Variants in ZNF134 observed in about 807,000 individuals in gnomAD.
The protein encoded by ZNF134 is zinc finger protein 134.
In ZNF134, 5 loss-of-function variants were observed where a neutral mutation model predicts 2.5. That is an observed-to-expected ratio of 2.03 (90% confidence interval 1.06 to 4.27). The LOEUF (loss-of-function observed/expected upper bound fraction) is 4.27. Ranked by LOEUF, ZNF134 falls within the 30% of genes most tolerant of loss-of-function variation. The probability of loss-of-function intolerance (pLI) is 0.00; values close to 1 mark genes in which losing one functional copy is unlikely to be tolerated. For synonymous variants in ZNF134, 176 were observed against 176.2 expected (o/e 1.00, Z 0.01); for missense variants, 540 against 517.5 (o/e 1.04, Z -0.42).
intron 1 of ZNF134, among the ~76,000 whole-genome samples, chr19:57,615,483 A>G (rs150272682): frequency 1.4e-3 from 216 of 152,078 alleles, no homozygotes; most frequent in Middle Eastern, 3.4e-3. Context: ...GTTGGAAGTC[A>G]ATGCTTGGTG....
Position 57,619,389 on chromosome 19 carries a change from C to T in ZNF134, c.-57-23C>T, listed in dbSNP as rs937048784. ...AGTGCTCTCAGCCTGTTTCACCTTT[C>T]CCCTATGCTTTGTATCTTCCAGATC... On this transcript the variant is annotated intron_variant, in intron 1 of 2. Transcript: ENST00000396161. 5.2e-6 allele frequency: 8 copies of T among 1,538,288 alleles called. No homozygotes were observed. The East Asian group carries it at 1.7e-4, about 32-fold the overall frequency.
intron 1 of ZNF134, among the ~76,000 whole-genome samples, chr19:57,616,851 A>C (rs888994785): frequency 3.3e-5 from 5 of 151,938 alleles, no homozygotes; most frequent in African/African-American, 1.2e-4. Flanking sequence ...TATCTCAGCA[A>C]CTCAGTGTGG....
At chr19:57,619,631 C>A in intron 2 of ZNF134, 123 bp downstream of exon 2, 1 of 1,066,688 alleles carries the variant, frequency 9.4e-7, no homozygotes, top group Non-Finnish European at 1.3e-6. Context: ...CTTTTTATCC[C>A]CATTCTGTAC....
chr19:57,621,651 C>A lies in ZNF134; in HGVS notation c.*248C>A. On this transcript the variant is annotated 3_prime_UTR_variant, in exon 3 of 3. Transcript: ENST00000396161. ...AAGGCAGGGTTTTGTATTGTCCAGT[C>A]CCTGGAGAAAATCATGAAATGCCTG... 1.5e-6 allele frequency: 1 copy of A among 669,548 alleles called. No homozygotes were observed. The highest frequency in any genetic ancestry group is 2.1e-5 in the Admixed American group (1 of 47,322). 41.5% of individuals were successfully genotyped at this position (669,548 alleles called of 1,614,324 possible).
At chr19:57,615,298 G>A (rs767401370) in intron 1 of ZNF134, among the ~76,000 whole-genome samples, 26 of 152,000 alleles carry the variant, frequency 1.7e-4, no homozygotes, top group Admixed American at 7.2e-4. Context: ...GAGGCATAAG[G>A]TCAAAGCCTG....
rs1158990980 is a variant in ZNF134 at position 57,621,544 on chromosome 19, T to G, written c.*141T>G. 2 of 1,352,030 alleles carry G rather than the reference T, an allele frequency of 1.5e-6. No individual in the cohort carries two copies. Among genetic ancestry groups the G allele is most frequent in the Non-Finnish European group, 2.1e-6 (2 of 955,550 alleles). The allele number at this position is 1,352,030 out of a possible 1,614,324, so 83.8% of individuals were successfully genotyped here. ...GTTGCACTTTCTGACTTGCTCAGGTTTTTTGCCAGAGTTATGTCACTGTCA... is the reference window on the plus strand; with the variant it reads ...GTTGCACTTTCTGACTTGCTCAGGTGTTTTGCCAGAGTTATGTCACTGTCA... On this transcript the variant is annotated 3_prime_UTR_variant, in exon 3 of 3. Coordinates refer to ENST00000396161, the MANE Select transcript of ZNF134 (RefSeq NM_003435.5).
rs191942066 is a variant in ZNF134 at position 57,622,815 on chromosome 19, C to T, written c.*1412C>T. 3 of 152,234 alleles carry T rather than the reference C, an allele frequency of 2.0e-5. No individual in the cohort carries two copies. In the East Asian group the frequency reaches 5.8e-4, roughly 29 times the overall value. The allele number at this position is 152,234 out of a possible 1,614,324, so 9.4% of individuals were successfully genotyped here. ...GAGTCACCATAGTGAGGTAGAGTCA[C>T]TCTTAGTGATGTCCAGTTGTCCAGT... On this transcript the variant is annotated 3_prime_UTR_variant, in exon 3 of 3. Transcript: ENST00000396161.
chr19:57,614,512 T>G lies in ZNF134; in HGVS notation c.-58+9T>G. The stretch of plus-strand genomic sequence containing the variant: ...TGATGGGCCCGGCGCAGGTGGGTGC[T>G]GCCTTTCCCAGACTTTCGCCCGCCC... On this transcript the variant is annotated intron_variant, in intron 1 of 2. Transcript: ENST00000396161. 2.8e-6 allele frequency: 1 copy of G among 357,014 alleles called. No individual in the cohort carries two copies. Among genetic ancestry groups the G allele is most frequent in the Non-Finnish European group, 5.5e-6 (1 of 182,332 alleles). 22.1% of individuals were successfully genotyped at this position (357,014 alleles called of 1,614,324 possible).
chr19:57,621,272 T>C lies in ZNF134; in HGVS notation c.1153T>C (p.Ser385Pro). Residue 385 changes from serine to proline, a missense_variant, in exon 3 of 3, where the codon TCC (serine) becomes CCC (proline). Ser to Pro is a moderately conservative substitution (Grantham distance 74). Transcript: ENST00000396161. ...SKCGKDFIRT[S>P]HLVRHQRVHT... Reference sequence around the variant, plus strand: ...ATGTGGGAAAGACTTTATCAGAACCTCCCACCTTGTTCGACACCAAAGAGT... The same window carrying C: ...ATGTGGGAAAGACTTTATCAGAACCCCCCACCTTGTTCGACACCAAAGAGT... 6 of 1,613,890 alleles carry C rather than the reference T, an allele frequency of 3.7e-6. No homozygotes were observed. Among genetic ancestry groups the C allele is most frequent in the Non-Finnish European group, 5.1e-6 (6 of 1,179,974 alleles).
In ZNF134 at chr19:57,620,420, A is replaced by G. The variant is rs1370695508; in HGVS notation, c.301A>G (p.Ser101Gly). 3 of 1,614,108 alleles carry G rather than the reference A, an allele frequency of 1.9e-6. No homozygotes were observed. The African/African-American group carries it at 4.0e-5, about 22-fold the overall frequency. The change falls in exon 3 of 3, where the codon AGT becomes GGT. Residue 101 changes from serine (S) to glycine (G), a missense_variant. Ser to Gly is a moderately conservative substitution (Grantham distance 56). Transcript: ENST00000396161. ...ANLHQYQKCY[S>G]IEQPLRRDKS... ...CCTTCATCAGTACCAGAAGTGTTACAGTATAGAGCAACCCTTAAGAAGGGA... is the reference window on the plus strand; with the variant it reads ...CCTTCATCAGTACCAGAAGTGTTACGGTATAGAGCAACCCTTAAGAAGGGA...
At position 57,617,667 on chromosome 19, in the gene ZNF134, T is replaced by G. The variant is rs1177336951; in HGVS notation, c.-57-1745T>G. The stretch of plus-strand genomic sequence containing the variant: ...ATTCAGGTTGGAGCTATCCACAGGG[T>G]GGCAGCCAGCATGTGGATCAGGATG... On this transcript the variant is annotated intron_variant, in intron 1 of 2. Transcript: ENST00000396161. Among the ~76,000 whole-genome samples, 4 of 152,192 alleles carry G rather than the reference T, an allele frequency of 2.6e-5. No individual in the cohort carries two copies. The East Asian group carries it at 7.7e-4, about 29-fold the overall frequency.
At chr19:57,614,633 G>A (rs945262667) in intron 1 of ZNF134, 130 bp downstream of exon 1, 1 of 321,404 alleles carries the variant, frequency 3.1e-6, no homozygotes, top group Non-Finnish European at 6.1e-6. Flanking sequence ...GTGGGGGCGA[G>A]TGTGACTGGC....
Position 57,620,215 on chromosome 19 carries a change from A to G in ZNF134, c.96A>G (p.Ile32Met), listed in dbSNP as rs1568630256. The change falls in exon 3 of 3, where the codon ATA (isoleucine) becomes ATG (methionine). Residue 32 changes from isoleucine to methionine, a missense_variant. Transcript: ENST00000396161. Reference protein sequence around the residue: ...EESSSEQSISIAVSHVNTSKA... With the variant: ...EESSSEQSISMAVSHVNTSKA... Reference sequence around the variant, plus strand: ...CATCTTCTGAACAGAGCATTTCTATAGCAGTGTCACATGTTAATACTTCCA... The same window carrying G: ...CATCTTCTGAACAGAGCATTTCTATGGCAGTGTCACATGTTAATACTTCCA... 1.2e-6 allele frequency: 2 copies of G among 1,614,242 alleles called. No individual in the cohort carries two copies. The highest frequency in any genetic ancestry group is 8.5e-7 in the Non-Finnish European group (1 of 1,180,050).
intron 1 of ZNF134, among the ~76,000 whole-genome samples, chr19:57,616,964 T>A (rs1981069876): frequency 6.6e-6 from 1 of 152,176 alleles, no homozygotes; most frequent in Non-Finnish European, 1.5e-5. Flanking sequence ...GTTTTGGAAT[T>A]ATGTGGAAGG....
In ZNF134 at chr19:57,621,378, A is replaced by G. The variant is rs1349309340; in HGVS notation, c.1259A>G (p.Lys420Arg). The change falls in exon 3 of 3, where the codon AAA (lysine) becomes AGA (arginine). Residue 420 changes from lysine (K) to arginine (R), a missense_variant. By Grantham distance (26) the Lys-to-Arg change is conservative. Transcript: ENST00000396161. ...SLSSHLNRHQKVHTAGRL is the reference protein window; with the variant it reads ...SLSSHLNRHQRVHTAGRL ...AGCTCCCACCTCAATCGGCACCAGA[A>G]AGTTCACACTGCAGGCAGGCTTTAG... 1.2e-6 allele frequency: 2 copies of G among 1,613,820 alleles called. No homozygotes were observed. Among genetic ancestry groups the G allele is most frequent in the East Asian group, 2.2e-5 (1 of 44,900 alleles).
chr19:57,620,903 T>A lies in ZNF134; in HGVS notation c.784T>A (p.Cys262Ser). Residue 262 changes from cysteine (C) to serine (S), a missense_variant, in exon 3 of 3, where the codon TGC (cysteine) becomes AGC (serine). Transcript: ENST00000396161. ...RIHTGEMPYKCNECGKYFSHH... is the reference protein window; with the variant it reads ...RIHTGEMPYKSNECGKYFSHH... The stretch of plus-strand genomic sequence containing the variant: ...CCACACTGGAGAAATGCCTTATAAG[T>A]GCAATGAATGTGGGAAATATTTTAG... The A allele has an allele frequency of 6.2e-7, 1 of 1,614,232 alleles. No individual in the cohort carries two copies. The highest frequency in any genetic ancestry group is 8.5e-7 in the Non-Finnish European group (1 of 1,180,038).
rs1981297429 is a variant in ZNF134, at chr19:57,623,678, CTG to C, written c.*2277_*2278del. 1 of 152,194 alleles carries C rather than the reference CTG, an allele frequency of 6.6e-6. No individual in the cohort carries two copies. Among genetic ancestry groups the C allele is most frequent in the South Asian group, 2.1e-4 (1 of 4,832 alleles). The allele number at this position is 152,194 out of a possible 1,614,324, so 9.4% of individuals were successfully genotyped here. A position where few individuals can be genotyped will look rare whatever the true frequency, so the allele number is the denominator to read the frequency against. ...CGGGATCAAAACATACATCAGAACACTGTCACACAAAAAGCTCTTTGAAGAGA... is the reference window on the plus strand; with the variant it reads ...CGGGATCAAAACATACATCAGAACACTCACACAAAAAGCTCTTTGAAGAGA... On this transcript the variant is annotated 3_prime_UTR_variant, in exon 3 of 3. Transcript: ENST00000396161.
Position 57,621,539 on chromosome 19 carries a change from C to T in ZNF134, c.*136C>T, listed in dbSNP as rs767014001. The T allele has an allele frequency of 1.4e-6, 2 of 1,422,564 alleles. No individual in the cohort carries two copies. The highest frequency in any genetic ancestry group is 2.8e-5 in the African/African-American group (2 of 71,292). 88.1% of individuals were successfully genotyped at this position (1,422,564 alleles called of 1,614,324 possible). A position where few individuals can be genotyped will look rare whatever the true frequency, so the allele number is the denominator to read the frequency against. ...GATATGTTGCACTTTCTGACTTGCTCAGGTTTTTTGCCAGAGTTATGTCAC... is the reference window on the plus strand; with the variant it reads ...GATATGTTGCACTTTCTGACTTGCTTAGGTTTTTTGCCAGAGTTATGTCAC... On this transcript the variant is annotated 3_prime_UTR_variant, in exon 3 of 3. Transcript: ENST00000396161.
chr19:57,622,592 T>TCTCC lies in ZNF134; in HGVS notation c.*1196_*1199dup, dbSNP rs1981257186. ...AACGAATGTAGTTTTTCTAGATTCC[T>TCTCC]CTCCCTCCCTGGGCTCTTTACCTAA... On this transcript the variant is annotated 3_prime_UTR_variant, in exon 3 of 3. Coordinates refer to ENST00000396161, the MANE Select transcript of ZNF134 (RefSeq NM_003435.5). The TCTCC allele has an allele frequency of 6.6e-6, 1 of 152,162 alleles. No homozygotes were observed. The highest frequency in any genetic ancestry group is 1.5e-5 in the Non-Finnish European group (1 of 68,032). The allele number at this position is 152,162 out of a possible 1,614,324, so 9.4% of individuals were successfully genotyped here. A position where few individuals can be genotyped will look rare whatever the true frequency, so the allele number is the denominator to read the frequency against.
Sources: allele counts gnomAD v4.1 joint callset (sites outside exome capture counted in the v4.1 genomes callset), GRCh38; gene constraint gnomAD v4.1.1; transcripts MANE v1.5; gene names NCBI Gene and HGNC (gene_info 2026-07-23, HGNC 2026-07-21).